APOLD1: variants seen among roughly 807,000 people sequenced by gnomAD.
The protein encoded by APOLD1 is apolipoprotein L domain-containing protein 1.
APOLD1 carries 22 observed loss-of-function variants against 15.3 expected under a neutral mutation model. That is an observed-to-expected ratio of 1.44 (90% CI 1.03 to 2.05). APOLD1 has a LOEUF of 2.05. APOLD1 is among the 30% of genes most tolerant of loss of function. The pLI is 0.00. For missense variants in APOLD1, 394 were observed against 353.5 expected, an observed-to-expected ratio of 1.11 and a Z score of -0.92; for synonymous variants, 190 against 167.4, an observed-to-expected ratio of 1.13 and a Z score of -1.04.
intron 1 of APOLD1, among the ~76,000 whole-genome samples, chr12:12,745,183 A>G (rs1018784064): frequency 3.9e-5 from 6 of 152,342 alleles, no homozygotes; most frequent in Non-Finnish European, 5.9e-5. Flanking sequence ...AAAGGCAGAG[A>G]GAAGACCAAA....
Position 12,787,060 on chromosome 12 carries a change from C to A in APOLD1, c.155C>A (p.Ser52Tyr). ...ARRLERLRRR[S>Y]LVANVAGSSL... ...CGCCTGGAGCGCCTGCGCAGGCGCTCCCTCGTAGCCAACGTGGCCGGCAGC... is the reference window on the plus strand; with the variant it reads ...CGCCTGGAGCGCCTGCGCAGGCGCTACCTCGTAGCCAACGTGGCCGGCAGC... The change falls in exon 2 of 2, where the codon TCC (serine) becomes TAC (tyrosine). Residue 52 changes from serine to tyrosine, a missense_variant. Coordinates refer to ENST00000356591, the MANE Select transcript of APOLD1 (RefSeq NM_030817.3). The surrounding 1 kb of genome is among the most constrained non-coding windows in gnomAD (Gnocchi z 4.9). The A allele has an allele frequency of 7.3e-7, 1 of 1,377,072 alleles. No homozygotes were observed. The highest frequency in any genetic ancestry group is 1.5e-5 in the African/African-American group (1 of 65,202). 85.3% of individuals were successfully genotyped at this position (1,377,072 alleles called of 1,614,324 possible).
chr12:12,762,174 A>G (rs1345155843), intron 1 of APOLD1, among the ~76,000 whole-genome samples: 1 of 151,970 alleles, frequency 6.6e-6, no homozygotes, highest in Admixed American at 6.6e-5. Context: ...GCCCATTCCT[A>G]AGGCCTCAGG....
intron 1 of APOLD1, among the ~76,000 whole-genome samples, chr12:12,728,665 CAAAAAAAAAAAAA>C (rs58877184): frequency 1.6e-4 from 10 of 62,870 alleles, no homozygotes; most frequent in South Asian, 4.8e-4. Context: ...GACCCTGTCT[CAAAAAAAAAAAAA>C]AAAAAAAAAA....
At chr12:12,761,838 G>GAGAGAGAGAC (rs1946902658) in intron 1 of APOLD1, among the ~76,000 whole-genome samples, 2 of 130,404 alleles carry the variant, frequency 1.5e-5, no homozygotes, top group Admixed American at 7.3e-5. Flanking sequence ...TATAGAGAGA[G>GAGAGAGAGAC]AGAGAGAGAG....
intron 1 of APOLD1, among the ~76,000 whole-genome samples, chr12:12,772,937 G>A (rs937939350): frequency 3.9e-5 from 6 of 152,090 alleles, no homozygotes; most frequent in African/African-American, 1.4e-4. Flanking sequence ...GAAAATGAAA[G>A]CCAGGCATGG....
intron 1 of APOLD1, among the ~76,000 whole-genome samples, chr12:12,777,901 T>G (rs1244633415): frequency 1.5e-4 from 4 of 27,126 alleles, no homozygotes; most frequent in African/African-American, 3.8e-4. Flanking sequence ...TTTTTTTTTT[T>G]TTTTTTTTTT....
intron 1 of APOLD1, among the ~76,000 whole-genome samples, chr12:12,750,108 C>G (rs1236618426): frequency 2.0e-5 from 3 of 152,266 alleles, no homozygotes; most frequent in African/African-American, 7.2e-5. Flanking sequence ...CGCGGTGGCT[C>G]ACGCCTGTAA....
At chr12:12,773,963 G>T (rs1947008056) in intron 1 of APOLD1, among the ~76,000 whole-genome samples, 1 of 152,188 alleles carries the variant, frequency 6.6e-6, no homozygotes, top group South Asian at 2.1e-4. Context: ...ACAGACCTAA[G>T]AGTAAAACAT....
chr12:12,791,108 G>T lies in APOLD1; in HGVS notation c.*3456G>T, dbSNP rs907271658. The T allele has an allele frequency of 6.6e-6, 1 of 152,136 alleles. No homozygotes were observed. The highest frequency in any genetic ancestry group is 1.5e-5 in the Non-Finnish European group (1 of 68,020). The allele number at this position is 152,136 out of a possible 1,614,324, so 9.4% of individuals were successfully genotyped here. A position where few individuals can be genotyped will look rare whatever the true frequency, so the allele number is the denominator to read the frequency against. On this transcript the variant is annotated 3_prime_UTR_variant, in exon 2 of 2. Coordinates refer to ENST00000356591, the MANE Select transcript of APOLD1 (RefSeq NM_030817.3). The stretch of plus-strand genomic sequence containing the variant: ...GGTTCTGCATTTTCAGGATTCAATA[G>T]AACTGCTCCATTAAAAAAATAATCC...
intron 1 of APOLD1, among the ~76,000 whole-genome samples, chr12:12,745,492 T>C (rs1295570050): frequency 6.6e-6 from 1 of 152,008 alleles, no homozygotes; most frequent in African/African-American, 2.4e-5. Flanking sequence ...ATCGTGCCAC[T>C]GCGCTCCAGC....
intron 1 of APOLD1, among the ~76,000 whole-genome samples, chr12:12,753,443 G>C (rs1390804175): frequency 6.6e-6 from 1 of 152,172 alleles, no homozygotes; most frequent in African/African-American, 2.4e-5. Context: ...AGGAAGGATA[G>C]CTTGAGGCTA....
chr12:12,742,705 A>T (rs923065227), intron 1 of APOLD1, among the ~76,000 whole-genome samples: 1 of 150,684 alleles, frequency 6.6e-6, no homozygotes, highest in Non-Finnish European at 1.5e-5. Context: ...CGGAGGTTCC[A>T]GTGAGCTGAG....
chr12:12,739,911 G>A (rs944321713), intron 1 of APOLD1, among the ~76,000 whole-genome samples: 1 of 151,078 alleles, frequency 6.6e-6, no homozygotes, highest in Non-Finnish European at 1.5e-5. Context: ...CTGCCTCCCA[G>A]GTTCAAGCAG....
At chr12:12,774,897 C>T (rs909181871) in intron 1 of APOLD1, among the ~76,000 whole-genome samples, 7 of 152,194 alleles carry the variant, frequency 4.6e-5, no homozygotes, top group Admixed American at 4.6e-4. Context: ...TTGGCAGTTT[C>T]TTACAAAACT....
rs1307061631 is a variant in APOLD1, at chr12:12,790,952, G to A, written c.*3300G>A. 26 of 152,198 alleles carry A rather than the reference G, an allele frequency of 1.7e-4. No individual in the cohort carries two copies. Among genetic ancestry groups the A allele is most frequent in the Admixed American group, 1.7e-3 (26 of 15,274 alleles). 9.4% of individuals were successfully genotyped at this position (152,198 alleles called of 1,614,324 possible). A position where few individuals can be genotyped will look rare whatever the true frequency, so the allele number is the denominator to read the frequency against. On this transcript the variant is annotated 3_prime_UTR_variant, in exon 2 of 2. Coordinates refer to ENST00000356591, the MANE Select transcript of APOLD1 (RefSeq NM_030817.3). The stretch of plus-strand genomic sequence containing the variant: ...CGGGAGAGAGGTATTTAGATGATAA[G>A]TGTACTTCACAAAAATGCCAAAGTT...
chr12:12,741,942 G>A (rs1046364367), intron 1 of APOLD1, among the ~76,000 whole-genome samples: 1 of 152,186 alleles, frequency 6.6e-6, no homozygotes, highest in African/African-American at 2.4e-5. Context: ...TCAACAGGAA[G>A]AAGGCCAGCA....
chr12:12,776,003 C>CAAAAAAA (rs34623976), intron 1 of APOLD1, among the ~76,000 whole-genome samples: 26 of 62,160 alleles, frequency 4.2e-4, no homozygotes, highest in African/African-American at 8.4e-4. Flanking sequence ...GACCCAGTCT[C>CAAAAAAA]AAAAAAAAAA....
intron 1 of APOLD1, among the ~76,000 whole-genome samples, chr12:12,749,637 C>T (rs114360768): frequency 0.027 from 4,161 of 152,196 alleles, 175 homozygotes; most frequent in African/African-American, 0.094. Flanking sequence ...GGTGGCTTTC[C>T]GCCACCAATC....
At chr12:12,744,651 C>A (rs919788488) in intron 1 of APOLD1, among the ~76,000 whole-genome samples, 2 of 152,126 alleles carry the variant, frequency 1.3e-5, no homozygotes, top group Admixed American at 6.5e-5. Context: ...TTTATTTGTC[C>A]ACTTAAGAGA....
Sources: gnomAD v4.1 joint callset for allele counts (sites outside exome capture counted in the v4.1 genomes callset) on GRCh38, gnomAD v4.1.1 for gene constraint, Gnocchi (gnomAD v3.1) non-coding constraint, MANE v1.5 for transcripts, NCBI Gene and HGNC (gene_info 2026-07-23, HGNC 2026-07-21) for gene names.